PHF21B: variants seen among roughly 807,000 people sequenced by gnomAD.
PHF21B encodes PHD finger protein 4.
PHF21B carries 22 observed loss-of-function variants against 62.2 expected under a neutral mutation model. That is an observed-to-expected ratio of 0.35 (90% CI 0.25 to 0.51). The LOEUF (loss-of-function observed/expected upper bound fraction) is 0.51. Ranked by LOEUF, PHF21B falls within the 20% of genes least tolerant of loss-of-function variation. PHF21B has a pLI of 0.97. For synonymous variants in PHF21B, 341 were observed against 314.7 expected, an observed-to-expected ratio of 1.08 and a Z score of -0.88; for missense variants, 701 against 707.9, an observed-to-expected ratio of 0.99 and a Z score of 0.11.
chr22:44,980,693 C>CACA (rs1365276430), intron 2 of PHF21B, among the ~76,000 whole-genome samples: 2 of 152,186 alleles, frequency 1.3e-5, no homozygotes, highest in Non-Finnish European at 2.9e-5. Context: ...TCACTTTCCA[C>CACA]ACAACACAAG....
chr22:44,966,855 C>CATT (rs2072536628), intron 2 of PHF21B, among the ~76,000 whole-genome samples: 1 of 152,146 alleles, frequency 6.6e-6, no homozygotes, highest in Admixed American at 6.5e-5. Context: ...CGAGTTAGTG[C>CATT]ATTATATAGA....
chr22:44,901,715 A>G, intron 5 of PHF21B: 1 of 408,082 alleles, frequency 2.5e-6, no homozygotes, highest in Non-Finnish European at 4.3e-6. Context: ...TTGAAGCTGA[A>G]ATCCCATCCT....
intron 2 of PHF21B, among the ~76,000 whole-genome samples, chr22:45,007,074 A>C (rs2073328075): frequency 6.7e-6 from 1 of 150,374 alleles, no homozygotes; most frequent in Non-Finnish European, 1.5e-5. Flanking sequence ...GGAAGCTTCC[A>C]CTCCCGGACG....
intron 5 of PHF21B, among the ~76,000 whole-genome samples, chr22:44,910,473 T>C (rs2071325355): frequency 1.3e-5 from 2 of 152,196 alleles, no homozygotes; most frequent in Non-Finnish European, 2.9e-5. Flanking sequence ...CCACATATTA[T>C]GGGAGGGACC....
chr22:44,972,515 C>T (rs1345862617), intron 2 of PHF21B, among the ~76,000 whole-genome samples: 1 of 152,150 alleles, frequency 6.6e-6, no homozygotes, highest in East Asian at 1.9e-4. Flanking sequence ...AGCCGGAAAC[C>T]GAGTGTTGGC....
chr22:45,009,710 G>T lies in PHF21B; in HGVS notation c.-161C>A. ...CCACGGCCGAAAGGGAAGGGGGCTGGCGAAGGGGAAGACAGGCTTCCGGGC... is the reference window on the plus strand; with the variant it reads ...CCACGGCCGAAAGGGAAGGGGGCTGTCGAAGGGGAAGACAGGCTTCCGGGC... On this transcript the variant is annotated 5_prime_UTR_variant, in exon 1 of 13. Transcript: ENST00000313237. The surrounding 1 kb of genome is among the most constrained non-coding windows in gnomAD (Gnocchi z 5.9). 1 of 613,578 alleles carries T rather than the reference G, an allele frequency of 1.6e-6. No homozygotes were observed. Among genetic ancestry groups the T allele is most frequent in the Non-Finnish European group, 2.6e-6 (1 of 388,710 alleles). 38.0% of individuals were successfully genotyped at this position (613,578 alleles called of 1,614,324 possible). A position where few individuals can be genotyped will look rare whatever the true frequency, so the allele number is the denominator to read the frequency against.
chr22:44,945,750 C>A (rs1569245500), intron 2 of PHF21B, among the ~76,000 whole-genome samples: 1 of 150,564 alleles, frequency 6.6e-6, no homozygotes, highest in African/African-American at 2.5e-5. Flanking sequence ...TCCTGCTTAC[C>A]TTGACCTTGG....
At chr22:44,959,522 C>A (rs1360950991) in intron 2 of PHF21B, among the ~76,000 whole-genome samples, 2 of 152,196 alleles carry the variant, frequency 1.3e-5, no homozygotes, top group African/African-American at 4.8e-5. Flanking sequence ...AGGTTTCATT[C>A]ACACCTGGCT....
intron 2 of PHF21B, among the ~76,000 whole-genome samples, chr22:44,962,814 C>T (rs1431132165): frequency 1.3e-5 from 2 of 152,032 alleles, no homozygotes; most frequent in Non-Finnish European, 2.9e-5. Flanking sequence ...AGGGTGGGGG[C>T]GTGCTTTACT....
intron 3 of PHF21B, 75 bp from the exon 4 acceptor site, chr22:44,916,705 G>A (rs1388160849): frequency 5.3e-6 from 7 of 1,326,032 alleles, no homozygotes; most frequent in Admixed American, 1.8e-5. Flanking sequence ...CCCTGGCTCG[G>A]AGACTTCCTA....
chr22:44,915,205 A>G (rs2071411910), intron 4 of PHF21B, among the ~76,000 whole-genome samples: 1 of 152,230 alleles, frequency 6.6e-6, no homozygotes, highest in South Asian at 2.1e-4. Context: ...ATCCATGGGA[A>G]GAAAAACATT....
chr22:44,918,276 T>C (rs2147308041), intron 3 of PHF21B, among the ~76,000 whole-genome samples: 1 of 152,348 alleles, frequency 6.6e-6, no homozygotes, highest in African/African-American at 2.4e-5. Context: ...CGTTCCGTGT[T>C]CTGGTCGATC....
chr22:44,920,444 C>G lies in PHF21B; in HGVS notation c.167G>C (p.Ser56Thr). The change falls in exon 3 of 13, where the codon AGC becomes ACC. Residue 56 changes from serine to threonine, a missense_variant. Coordinates refer to ENST00000313237, the MANE Select transcript of PHF21B (RefSeq NM_138415.5). ...TAVPVTGPQV[S>T]SLQRLAGQGA... ...TTGCCCGGCCAACCTCTGCAAGGAG[C>G]TGACCTGAGGACCCGTGACAGGCAC... is the stretch of plus-strand genomic sequence containing the variant. 1 of 1,613,264 alleles carries G rather than the reference C, an allele frequency of 6.2e-7. No homozygotes were observed. Among genetic ancestry groups the G allele is most frequent in the South Asian group, 1.1e-5 (1 of 90,874 alleles).
At position 45,009,502 on chromosome 22, in the gene PHF21B, G is replaced by A. The variant is rs780271514; in HGVS notation, c.48C>T (p.Arg16=). The A allele has an allele frequency of 6.4e-7, 1 of 1,553,828 alleles. No individual in the cohort carries two copies. Among genetic ancestry groups the A allele is most frequent in the South Asian group, 1.2e-5 (1 of 85,482 alleles). ...RPEALAVELA[R]HQNGDLKKQL... is the part of the protein sequence containing the mutation. Reference sequence around the variant, plus strand: ...CCGGCCCCCGGCCACCTACCTGGTGGCGCGCGAGTTCCACGGCGAGCGCCT... The same window carrying A: ...CCGGCCCCCGGCCACCTACCTGGTGACGCGCGAGTTCCACGGCGAGCGCCT... The change falls in exon 1 of 13, where the codon CGC becomes CGT. Residue 16 remains arginine, a synonymous_variant. Coordinates refer to ENST00000313237, the MANE Select transcript of PHF21B (RefSeq NM_138415.5). This position sits in a 1 kb window ranked among gnomAD's most constrained non-coding sequence, Gnocchi z 5.9.
intron 3 of PHF21B, 143 bp from the exon 4 acceptor site, chr22:44,916,773 C>A: frequency 1.3e-6 from 1 of 784,740 alleles, no homozygotes; most frequent in Non-Finnish European, 2.1e-6. Context: ...GGCCTCACAG[C>A]AGGTGAGACC....
chr22:44,957,617 T>C (rs981285417), intron 2 of PHF21B, among the ~76,000 whole-genome samples: 4 of 152,230 alleles, frequency 2.6e-5, no homozygotes, highest in African/African-American at 9.6e-5. Context: ...TTCCTCCTGC[T>C]AATTTTTCCT....
intron 2 of PHF21B, among the ~76,000 whole-genome samples, chr22:44,956,347 T>A (rs2147403079): frequency 6.6e-6 from 1 of 152,254 alleles, no homozygotes; most frequent in Non-Finnish European, 1.5e-5. Flanking sequence ...GAATCAGTAC[T>A]TTCTTACCCT....
At chr22:44,908,247 C>G (rs1354366686) in intron 5 of PHF21B, among the ~76,000 whole-genome samples, 1 of 152,160 alleles carries the variant, frequency 6.6e-6, no homozygotes, top group Non-Finnish European at 1.5e-5. Context: ...GTGGCTCCCA[C>G]CTCTGAGGAT....
intron 5 of PHF21B, among the ~76,000 whole-genome samples, chr22:44,912,840 G>A (rs2071365813): frequency 8.4e-6 from 1 of 119,038 alleles, no homozygotes; most frequent in South Asian, 2.7e-4. Flanking sequence ...GATGGTGCCA[G>A]TGCACACCAG....
Sources: gnomAD v4.1 joint callset for allele counts (sites outside exome capture counted in the v4.1 genomes callset) on GRCh38, gnomAD v4.1.1 for gene constraint, Gnocchi (gnomAD v3.1) non-coding constraint, MANE v1.5 for transcripts, NCBI Gene and HGNC (gene_info 2026-07-23, HGNC 2026-07-21) for gene names.